PAX5: variants seen among roughly 807,000 people sequenced by gnomAD.
PAX5 encodes paired box protein Pax-5.
In PAX5, 9 loss-of-function variants were observed where a neutral mutation model predicts 43.7. The observed-to-expected ratio is 0.21, with a 90% CI of 0.12 to 0.36. PAX5 has a LOEUF of 0.36. Among genes scored for constraint, PAX5 ranks in the 10% least tolerant of loss-of-function variants. The probability of loss-of-function intolerance (pLI) is 1.00; values close to 1 mark genes in which losing one functional copy is unlikely to be tolerated. For missense variants in PAX5, 383 were observed against 532.7 expected, an observed-to-expected ratio of 0.72 and a Z score of 2.77; for synonymous variants, 228 against 214.3, an observed-to-expected ratio of 1.06 and a Z score of -0.56.
intron 1 of PAX5, among the ~76,000 whole-genome samples, chr9:37,023,975 C>G (rs1840077605): frequency 6.6e-6 from 1 of 152,156 alleles, no homozygotes; most frequent in Non-Finnish European, 1.5e-5. Context: ...GAATCTGAGT[C>G]CCTCCCTCTC....
chr9:36,929,395 C>T (rs1830946996), intron 6 of PAX5, among the ~76,000 whole-genome samples: 2 of 152,100 alleles, frequency 1.3e-5, no homozygotes, highest in Admixed American at 6.5e-5. Context: ...TCAGTTTTTT[C>T]GAAGCCAAAG....
At chr9:36,867,060 T>C (rs10597091) in intron 8 of PAX5, among the ~76,000 whole-genome samples, 1 of 31,600 alleles carries the variant, frequency 3.2e-5, no homozygotes, top group African/African-American at 1.1e-4. Context: ...GATGGGGTGG[T>C]GGGGGGGGGG....
rs779972349 is a variant in PAX5 at position 36,882,053 on chromosome 9, G to C, written c.963C>G (p.Pro321=). 8 of 1,606,518 alleles carry C rather than the reference G, an allele frequency of 5.0e-6. No homozygotes were observed. Among genetic ancestry groups the C allele is most frequent in the African/African-American group, 1.3e-5 (1 of 74,570 alleles). The change falls in exon 8 of 10, where the codon CCC becomes CCG. Residue 321 remains proline, a synonymous_variant. Transcript: ENST00000358127. The surrounding 1 kb of genome is among the most constrained non-coding windows in gnomAD (Gnocchi z 4.4). ...TLPGYPPHVP[P]AGQGSYSAPT... ...GTGCTGAGTAGCTGCCCTGTCCAGCGGGGGGGACGTGTGGAGGGTACCCGG... is the reference window on the plus strand; with the variant it reads ...GTGCTGAGTAGCTGCCCTGTCCAGCCGGGGGGACGTGTGGAGGGTACCCGG...
chr9:36,946,403 C>T (rs1286607416), intron 6 of PAX5, among the ~76,000 whole-genome samples: 1 of 152,158 alleles, frequency 6.6e-6, no homozygotes, highest in Non-Finnish European at 1.5e-5. Flanking sequence ...AGCAGCTGAC[C>T]TCAGTGTGTA....
Position 36,840,258 on chromosome 9 carries a change from G to A in PAX5, c.*302C>T. 1 of 528,650 alleles carries A rather than the reference G, an allele frequency of 1.9e-6. No individual in the cohort carries two copies. Among genetic ancestry groups the A allele is most frequent in the Non-Finnish European group, 3.4e-6 (1 of 296,432 alleles). The allele number at this position is 528,650 out of a possible 1,614,324, so 32.7% of individuals were successfully genotyped here. The stretch of plus-strand genomic sequence containing the variant: ...TGGATGGATAGTCAGACAGCTGGAG[G>A]ACAGGCAGGCTGGGCTGGGGCTGCG... On this transcript the variant is annotated 3_prime_UTR_variant, in exon 10 of 10. Transcript: ENST00000358127.
intron 7 of PAX5, among the ~76,000 whole-genome samples, chr9:36,906,930 A>C (rs1828874760): frequency 2.0e-5 from 3 of 152,188 alleles, no homozygotes; most frequent in African/African-American, 7.2e-5. Flanking sequence ...CGAGGTCACC[A>C]ATTCATAAGT....
chr9:37,020,952 A>G, intron 1 of PAX5, 151 bp from the exon 2 acceptor site: 1 of 702,698 alleles, frequency 1.4e-6, no homozygotes, highest in Non-Finnish European at 2.4e-6. Flanking sequence ...TGCAAACTAC[A>G]CGAAGTCCCC....
chr9:36,925,514 G>A (rs949303794), intron 6 of PAX5, among the ~76,000 whole-genome samples: 7 of 152,170 alleles, frequency 4.6e-5, no homozygotes, highest in Non-Finnish European at 8.8e-5. Context: ...ATATGGAACC[G>A]TGATATATGA....
At position 36,837,978 on chromosome 9, in the gene PAX5, G is replaced by A. The variant is rs1389389105; in HGVS notation, c.*2582C>T. On this transcript the variant is annotated 3_prime_UTR_variant, in exon 10 of 10. Transcript: ENST00000358127. Reference sequence around the variant, plus strand: ...GGGTACACATCATTCCAAAAGAAGGGTGACAGGGGGCAGAGGCTCAAGAAG... The same window carrying A: ...GGGTACACATCATTCCAAAAGAAGGATGACAGGGGGCAGAGGCTCAAGAAG... 8.6e-6 allele frequency: 2 copies of A among 233,230 alleles called. No individual in the cohort carries two copies. Among genetic ancestry groups the A allele is most frequent in the Non-Finnish European group, 1.7e-5 (2 of 118,104 alleles). 14.4% of individuals were successfully genotyped at this position (233,230 alleles called of 1,614,324 possible).
intron 7 of PAX5, among the ~76,000 whole-genome samples, chr9:36,900,528 G>A (rs145577974): frequency 2.3e-4 from 35 of 152,296 alleles, no homozygotes; most frequent in African/African-American, 7.5e-4. Flanking sequence ...ACAAGCCAGA[G>A]AGAATTCTGT....
intron 8 of PAX5, chr9:36,864,140 G>T (rs565826979): frequency 6.5e-6 from 1 of 154,762 alleles, no homozygotes; most frequent in Middle Eastern, 5.3e-4. Flanking sequence ...TGCTTAGTAG[G>T]TGTCAGCTAC....
intron 6 of PAX5, among the ~76,000 whole-genome samples, chr9:36,955,341 GT>G (rs369620394): frequency 3.0e-4 from 46 of 152,124 alleles, no homozygotes; most frequent in South Asian, 6.2e-4. Context: ...CCAGATGAAA[GT>G]TTTTTTATAT....
At chr9:36,958,197 A>G in intron 6 of PAX5, among the ~76,000 whole-genome samples, 1 of 151,898 alleles carries the variant, frequency 6.6e-6, no homozygotes, top group Non-Finnish European at 1.5e-5. Context: ...TATACAACCT[A>G]CTGCAGGGCC....
At chr9:36,941,160 CAG>C (rs1832015809) in intron 6 of PAX5, among the ~76,000 whole-genome samples, 1 of 152,214 alleles carries the variant, frequency 6.6e-6, no homozygotes, top group Non-Finnish European at 1.5e-5. Context: ...AGGAAGCAGA[CAG>C]AGCTGGGTTA....
chr9:36,887,516 T>C (rs947384657), intron 7 of PAX5, among the ~76,000 whole-genome samples: 3 of 152,094 alleles, frequency 2.0e-5, no homozygotes, highest in Non-Finnish European at 4.4e-5. Context: ...GAGAAATAAA[T>C]GTAAAAAAAT....
intron 5 of PAX5, among the ~76,000 whole-genome samples, chr9:36,993,167 A>C (rs1837080348): frequency 6.6e-6 from 1 of 152,254 alleles, no homozygotes; most frequent in African/African-American, 2.4e-5. Context: ...GCTGTTTTCT[A>C]TTAAGCCAGA....
At chr9:36,875,189 G>C (rs1173981073) in intron 8 of PAX5, among the ~76,000 whole-genome samples, 1 of 152,090 alleles carries the variant, frequency 6.6e-6, no homozygotes, top group Non-Finnish European at 1.5e-5. Flanking sequence ...AGCCTCCTTG[G>C]TTGCATCACC....
chr9:36,909,044 G>A (rs1563956066), intron 7 of PAX5, among the ~76,000 whole-genome samples: 1 of 151,950 alleles, frequency 6.6e-6, no homozygotes, highest in Non-Finnish European at 1.5e-5. Context: ...GTTTCATTTC[G>A]GCTTTAAAAT....
At chr9:36,962,896 C>A (rs75144924) in intron 6 of PAX5, among the ~76,000 whole-genome samples, 20,279 of 152,208 alleles carry the variant, frequency 0.13, 1,501 homozygotes, top group African/African-American at 0.18. Flanking sequence ...CTGTCACCAC[C>A]GCCATGCCAC....
Sources: gnomAD v4.1 joint callset for allele counts (sites outside exome capture counted in the v4.1 genomes callset) on GRCh38, gnomAD v4.1.1 for gene constraint, Gnocchi (gnomAD v3.1) non-coding constraint, MANE v1.5 for transcripts, NCBI Gene and HGNC (gene_info 2026-07-23, HGNC 2026-07-21) for gene names.